Variants in SMYD4 observed in about 807,000 individuals in gnomAD.
The protein encoded by SMYD4 is protein-lysine N-methyltransferase SMYD4.
A neutral mutation model predicts 72.8 loss-of-function variants in SMYD4; 68 were observed. The observed-to-expected ratio is 0.93, with a 90% CI of 0.77 to 1.14. The LOEUF is 1.14. Ranked by LOEUF, SMYD4 falls within the 50% of genes most tolerant of loss-of-function variation. The pLI is 0.00. For synonymous variants in SMYD4, 407 were observed against 388.6 expected (o/e 1.05, Z -0.56); for missense variants, 984 against 1,003.7 (o/e 0.98, Z 0.27).
In SMYD4 at chr17:1,786,858, C is replaced by A. The variant is rs1161519882; in HGVS notation, c.1836G>T (p.Gly612=). Residue 612 remains glycine (G), a synonymous_variant, in exon 7 of 11, where the codon GGG becomes GGT. Coordinates refer to ENST00000305513, the MANE Select transcript of SMYD4 (RefSeq NM_052928.3). The part of the protein sequence containing the change: ...CQTEAHRMAA[G]PRWEAFCCNS... ...TGCAACAGAATGCTTCCCACCTGGG[C>A]CCTGCAGCCATCCTGTGTGCCTCAG... 1 of 1,614,180 alleles carries A rather than the reference C, an allele frequency of 6.2e-7. No homozygotes were observed. The highest frequency in any genetic ancestry group is 1.1e-5 in the South Asian group (1 of 91,088).
chr17:1,805,310 T>C (rs914666003), intron 3 of SMYD4, among the ~76,000 whole-genome samples: 3 of 151,396 alleles, frequency 2.0e-5, no homozygotes, highest in Non-Finnish European at 2.9e-5. Context: ...CCCAGCTACT[T>C]GGGAGGCTGA....
chr17:1,781,545 A>G (rs1908364251), intron 10 of SMYD4, 106 bp from the exon 11 acceptor site: 1 of 1,333,054 alleles, frequency 7.5e-7, no homozygotes, highest in African/African-American at 1.5e-5. Context: ...TTCTGTCATC[A>G]AGGATCCTAC....
intron 5 of SMYD4, among the ~76,000 whole-genome samples, chr17:1,789,579 C>T (rs909824374): frequency 4.0e-4 from 61 of 151,986 alleles, no homozygotes; most frequent in African/African-American, 1.4e-3. Context: ...GCTTGGCCAA[C>T]ATGGTGAACC....
intron 3 of SMYD4, among the ~76,000 whole-genome samples, chr17:1,806,996 T>C (rs1163458349): frequency 1.3e-5 from 2 of 151,918 alleles, no homozygotes; most frequent in Non-Finnish European, 2.9e-5. Context: ...GTTCAAGCGA[T>C]TCTCCAGCCT....
At chr17:1,805,309 T>C (rs572162404) in intron 3 of SMYD4, among the ~76,000 whole-genome samples, 3 of 152,040 alleles carry the variant, frequency 2.0e-5, no homozygotes, top group East Asian at 1.9e-4. Context: ...TCCCAGCTAC[T>C]TGGGAGGCTG....
At position 1,797,326 on chromosome 17, in the gene SMYD4, A is replaced by G. The variant is rs191736464; in HGVS notation, c.1537+2531T>C. 4.2e-3 allele frequency among the ~76,000 whole-genome samples: 640 copies of G among 152,376 alleles called. 3 individuals are homozygous for G. Among genetic ancestry groups the G allele is most frequent in the Non-Finnish European group, 7.2e-3 (488 of 68,034 alleles). On this transcript the variant is annotated intron_variant, in intron 5 of 10. Coordinates refer to ENST00000305513, the MANE Select transcript of SMYD4 (RefSeq NM_052928.3). ...AAAGTATAATGAACGGATTGAGTCA[A>G]AAAACATTTTCTGCTAAAATGAAGA...
intron 5 of SMYD4, among the ~76,000 whole-genome samples, chr17:1,799,529 C>G (rs1040353622): frequency 1.3e-5 from 2 of 151,594 alleles, no homozygotes; most frequent in Non-Finnish European, 2.9e-5. Flanking sequence ...ACCACCATGC[C>G]CAGCTAATTT....
intron 1 of SMYD4, 138 bp from the exon 2 acceptor site, chr17:1,828,144 A>G (rs1911300726): frequency 1.4e-6 from 1 of 707,244 alleles, no homozygotes; most frequent in East Asian, 3.0e-5. Context: ...AGGTCAGGAG[A>G]TGGAGACCAT....
At chr17:1,793,255 T>G (rs934368815) in intron 5 of SMYD4, among the ~76,000 whole-genome samples, 2 of 151,700 alleles carry the variant, frequency 1.3e-5, no homozygotes, top group Non-Finnish European at 3.0e-5. Context: ...AAGAGCTGTA[T>G]AGTTGCTAGA....
At chr17:1,803,644 C>A (rs532155865) in intron 4 of SMYD4, among the ~76,000 whole-genome samples, 1 of 151,808 alleles carries the variant, frequency 6.6e-6, no homozygotes, top group East Asian at 1.9e-4. Flanking sequence ...GGATTACAGG[C>A]GCCCACCACC....
intron 5 of SMYD4, among the ~76,000 whole-genome samples, chr17:1,793,796 C>T (rs1156938255): frequency 1.3e-5 from 2 of 150,678 alleles, no homozygotes; most frequent in Non-Finnish European, 2.9e-5. Flanking sequence ...CACAGAGGTT[C>T]AGGAGATTAG....
chr17:1,826,349 G>A (rs186200283), intron 2 of SMYD4, among the ~76,000 whole-genome samples: 9 of 152,072 alleles, frequency 5.9e-5, no homozygotes, highest in East Asian at 5.8e-4. Flanking sequence ...AAAATTAGCC[G>A]GGTATGGTGG....
chr17:1,817,419 C>A (rs1004551304), intron 2 of SMYD4, among the ~76,000 whole-genome samples: 1 of 152,074 alleles, frequency 6.6e-6, no homozygotes, highest in Non-Finnish European at 1.5e-5. Context: ...CTCACTCCAG[C>A]CTTGACTGAC....
chr17:1,817,049 T>C (rs201990486), intron 2 of SMYD4, among the ~76,000 whole-genome samples: 7 of 18,072 alleles, frequency 3.9e-4, no homozygotes, highest in African/African-American at 8.8e-4. Context: ...GCACAAAACC[T>C]TTTTTTTTTT....
rs1269615804 is a variant in SMYD4 at position 1,787,564 on chromosome 17, G to A, written c.1578C>T (p.Arg526=). 3 of 1,595,876 alleles carry A rather than the reference G, an allele frequency of 1.9e-6. No individual in the cohort carries two copies. Among genetic ancestry groups the A allele is most frequent in the Non-Finnish European group, 8.5e-7 (1 of 1,171,398 alleles). ...TAACAGGGAAGATGCCTGTGGCAAG[G>A]CGCACCTGCCTGCTGTCGGTAACGA... ...GSIVTDSRQV[R]LATGIFPVIS... Residue 526 remains arginine, a synonymous_variant, in exon 6 of 11, where the codon CGC becomes CGT. Coordinates refer to ENST00000305513, the MANE Select transcript of SMYD4 (RefSeq NM_052928.3).
intron 2 of SMYD4, among the ~76,000 whole-genome samples, chr17:1,816,517 G>T (rs1181157835): frequency 6.6e-6 from 1 of 151,526 alleles, no homozygotes; most frequent in Non-Finnish European, 1.5e-5. Flanking sequence ...CTACTCGGGG[G>T]ACTGAGGCAA....
At chr17:1,795,429 A>T in intron 5 of SMYD4, among the ~76,000 whole-genome samples, 1 of 51,974 alleles carries the variant, frequency 1.9e-5, no homozygotes, top group African/African-American at 5.6e-5. Flanking sequence ...CTATCTATCT[A>T]TCTATCTATC....
chr17:1,829,077 C>CA (rs1911375258), intron 1 of SMYD4, among the ~76,000 whole-genome samples: 1 of 152,142 alleles, frequency 6.6e-6, no homozygotes, highest in African/African-American at 2.4e-5. Flanking sequence ...CCATTGGCAC[C>CA]ACTCCCCACT....
chr17:1,800,104 G>C lies in SMYD4; in HGVS notation c.1290C>G (p.Pro430=). 3 of 1,611,082 alleles carry C rather than the reference G, an allele frequency of 1.9e-6. No homozygotes were observed. The highest frequency in any genetic ancestry group is 1.3e-5 in the African/African-American group (1 of 74,880). ...NNYNAVFNLL[P]HTENHSPEHK... ...GCTCTGGGCTATGGTTTTCAGTGTGGGGCAAAAGGTTGAAGACAGCATTAT... is the reference window on the plus strand; with the variant it reads ...GCTCTGGGCTATGGTTTTCAGTGTGCGGCAAAAGGTTGAAGACAGCATTAT... The change falls in exon 5 of 11, where the codon CCC becomes CCG. Residue 430 remains proline (P), a synonymous_variant. Coordinates refer to ENST00000305513, the MANE Select transcript of SMYD4 (RefSeq NM_052928.3).
Sources: gnomAD v4.1 joint callset for allele counts (sites outside exome capture counted in the v4.1 genomes callset) on GRCh38, gnomAD v4.1.1 for gene constraint, MANE v1.5 for transcripts, NCBI Gene and HGNC (gene_info 2026-07-23, HGNC 2026-07-21) for gene names.